The following BMPR1B variants were observed in gnomAD, a reference collection of about 807,000 sequenced individuals.
BMPR1B encodes bone morphogenetic protein receptor type 1B, also known as bone morphogenetic protein receptor type-1B.
BMPR1B carries 12 observed loss-of-function variants against 59.1 expected under a neutral mutation model. That is an observed-to-expected ratio of 0.20 (90% CI 0.13 to 0.33). BMPR1B has a LOEUF of 0.33. Among genes scored for constraint, BMPR1B ranks in the 10% least tolerant of loss-of-function variants. The pLI is 1.00. For missense variants in BMPR1B, 550 were observed against 610.9 expected, an observed-to-expected ratio of 0.90 and a Z score of 1.05; for synonymous variants, 237 against 207.3, an observed-to-expected ratio of 1.14 and a Z score of -1.23.
intron 10 of BMPR1B, among the ~76,000 whole-genome samples, chr4:95,134,443 A>C (rs2149306064): frequency 6.6e-6 from 1 of 152,316 alleles, no homozygotes; most frequent in South Asian, 2.1e-4. Context: ...GAATCACCAC[A>C]CTGTCTTCCA....
At chr4:94,879,612 TAAA>T (rs1726878480) in intron 2 of BMPR1B, among the ~76,000 whole-genome samples, 1 of 152,096 alleles carries the variant, frequency 6.6e-6, no homozygotes, top group African/African-American at 2.4e-5. Flanking sequence ...CAGAAATAAA[TAAA>T]AATAAAAATA....
Position 95,065,511 on chromosome 4 carries a change from A to C in BMPR1B, c.-17-38897A>C, listed in dbSNP as rs1202531322. Among the ~76,000 whole-genome samples, 5 of 152,210 alleles carry C rather than the reference A, an allele frequency of 3.3e-5. No homozygotes were observed. The South Asian group carries it at 8.3e-4, about 25-fold the overall frequency. On this transcript the variant is annotated intron_variant, in intron 3 of 12. Transcript: ENST00000515059. ...GTGATAATCAAATTTAGGATAGTGC[A>C]GAATAAGGGAGGTGAAGGAACTGGT... is the stretch of plus-strand genomic sequence containing the variant.
In BMPR1B at chr4:95,058,535, G is replaced by A. The variant is rs1034373123; in HGVS notation, c.-17-45873G>A. On this transcript the variant is annotated intron_variant, in intron 3 of 12. Coordinates refer to ENST00000515059, the MANE Select transcript of BMPR1B (RefSeq NM_001203.3). ...AACTGCACTGATGAGATAACAGCCA[G>A]GTGTGAGTCAATTTAATGTAACAGG... Among the ~76,000 whole-genome samples the A allele has an allele frequency of 2.0e-5, 3 of 152,116 alleles. No individual in the cohort carries two copies. The East Asian group carries it at 5.8e-4, about 29-fold the overall frequency.
chr4:95,071,782 TTAAA>T (rs1451901342), intron 3 of BMPR1B, among the ~76,000 whole-genome samples: 4 of 151,704 alleles, frequency 2.6e-5, no homozygotes, highest in Non-Finnish European at 5.9e-5. Context: ...TCAGATTTAG[TTAAA>T]TAACCCTTTG....
rs564192573 is a variant in BMPR1B, at chr4:95,125,875, T to C, written c.585+754T>C. On this transcript the variant is annotated intron_variant, in intron 8 of 12. Transcript: ENST00000515059. ...GCAGGTCTTCTTTCCCAGCTTGGTA[T>C]GTGTGGCACATAAACTCAACCTGCC... Among the ~76,000 whole-genome samples, 9 of 152,298 alleles carry C rather than the reference T, an allele frequency of 5.9e-5. No homozygotes were observed. In the East Asian group the frequency reaches 1.5e-3, roughly 26 times the overall value.
At chr4:94,852,379 T>C (rs1351923554) in intron 1 of BMPR1B, among the ~76,000 whole-genome samples, 3 of 152,032 alleles carry the variant, frequency 2.0e-5, no homozygotes, top group Non-Finnish European at 4.4e-5. Flanking sequence ...TATGTCTAAT[T>C]TTGAGGAATG....
In BMPR1B at chr4:95,114,888, T is replaced by C; in HGVS notation, c.246+66T>C. ...GATTTCCAACAAGTTTCAAGCAAGA[T>C]AAAACCATTCTTTTTCTTGGCCAGC... On this transcript the variant is annotated intron_variant, in intron 5 of 12. Coordinates refer to ENST00000515059, the MANE Select transcript of BMPR1B (RefSeq NM_001203.3). 9 of 1,450,100 alleles carry C rather than the reference T, an allele frequency of 6.2e-6. 1 individual carries two copies. In the South Asian group the frequency reaches 1.0e-4, roughly 17 times the overall value. The allele number at this position is 1,450,100 out of a possible 1,614,324, so 89.8% of individuals were successfully genotyped here. A position where few individuals can be genotyped will look rare whatever the true frequency, so the allele number is the denominator to read the frequency against.
chr4:95,055,541 G>C (rs1726858447), intron 3 of BMPR1B, among the ~76,000 whole-genome samples: 1 of 152,162 alleles, frequency 6.6e-6, no homozygotes, highest in African/African-American at 2.4e-5. Context: ...CAGCTATTTT[G>C]TGGCATTTCT....
intron 2 of BMPR1B, among the ~76,000 whole-genome samples, chr4:94,989,301 C>T (rs1419292562): frequency 2.0e-5 from 3 of 151,226 alleles, no homozygotes; most frequent in African/African-American, 7.3e-5. Context: ...AGGCAAGAGA[C>T]TCACTTGAAT....
At chr4:95,086,955 A>G (rs1729623821) in intron 3 of BMPR1B, among the ~76,000 whole-genome samples, 1 of 149,302 alleles carries the variant, frequency 6.7e-6, no homozygotes, top group African/African-American at 2.5e-5. Context: ...TTTTACCTAT[A>G]TGTGGTCCTT....
intron 3 of BMPR1B, among the ~76,000 whole-genome samples, chr4:95,033,445 C>T (rs530581121): frequency 3.9e-5 from 6 of 152,032 alleles, no homozygotes; most frequent in African/African-American, 1.2e-4. Flanking sequence ...GGTCTTTAAT[C>T]CACTTTGAGG....
chr4:95,064,644 C>A (rs10017056), intron 3 of BMPR1B, among the ~76,000 whole-genome samples: 51,920 of 151,820 alleles, frequency 0.34, 9,036 homozygotes, highest in South Asian at 0.41. Flanking sequence ...CTTATAACAC[C>A]CATGAATCTA....
At chr4:95,110,733 A>T (rs930648674) in intron 4 of BMPR1B, among the ~76,000 whole-genome samples, 1 of 152,158 alleles carries the variant, frequency 6.6e-6, no homozygotes, top group Non-Finnish European at 1.5e-5. Flanking sequence ...CTTTTCCAGG[A>T]TTGGTGGCCT....
chr4:94,970,215 A>G (rs191479096), intron 2 of BMPR1B, among the ~76,000 whole-genome samples: 1 of 151,358 alleles, frequency 6.6e-6, no homozygotes, highest in African/African-American at 2.4e-5. Flanking sequence ...GCCAATTTCA[A>G]GATCTTACTT....
chr4:95,050,922 G>A (rs1415123669), intron 3 of BMPR1B, among the ~76,000 whole-genome samples: 2 of 152,046 alleles, frequency 1.3e-5, no homozygotes, highest in African/African-American at 4.8e-5. Flanking sequence ...CACAAAAATG[G>A]TCATAATTTA....
In BMPR1B at chr4:94,826,683, T is replaced by G. The variant is rs114502294; in HGVS notation, c.-182-49148T>G. 9.5e-3 allele frequency among the ~76,000 whole-genome samples: 1,442 copies of G among 151,978 alleles called. 22 individuals carry two copies. The highest frequency in any genetic ancestry group is 0.032 in the African/African-American group (1,345 of 41,430). On this transcript the variant is annotated intron_variant, in intron 1 of 12. Coordinates refer to ENST00000515059, the MANE Select transcript of BMPR1B (RefSeq NM_001203.3). Reference sequence around the variant, plus strand: ...TAATAAAAATGGAAACATGCATAATTGCTACCCTGCTAAAGTCCCTGTTAT... The same window carrying G: ...TAATAAAAATGGAAACATGCATAATGGCTACCCTGCTAAAGTCCCTGTTAT...
intron 2 of BMPR1B, among the ~76,000 whole-genome samples, chr4:94,985,643 A>C (rs1721359787): frequency 6.6e-6 from 1 of 151,980 alleles, no homozygotes; most frequent in African/African-American, 2.4e-5. Context: ...TCCTATAGGA[A>C]AATAATTTTG....
chr4:94,947,021 C>T (rs1053721847), intron 2 of BMPR1B, among the ~76,000 whole-genome samples: 1 of 152,108 alleles, frequency 6.6e-6, no homozygotes, highest in Admixed American at 6.5e-5. Context: ...TGCTGCACTC[C>T]AACCTGGGTG....
intron 6 of BMPR1B, among the ~76,000 whole-genome samples, chr4:95,117,756 A>T (rs1432167186): frequency 6.6e-6 from 1 of 152,172 alleles, no homozygotes. Context: ...ACTGCACTGC[A>T]GCCTGGGTGG....
Sources: gnomAD v4.1 joint callset for allele counts (sites outside exome capture counted in the v4.1 genomes callset) on GRCh38, gnomAD v4.1.1 for gene constraint, MANE v1.5 for transcripts, NCBI Gene and HGNC (gene_info 2026-07-23, HGNC 2026-07-21) for gene names.